The following PRKCD variants were observed in gnomAD, a reference collection of about 807,000 sequenced individuals.
PRKCD encodes protein kinase C delta, also known as protein kinase C delta type.
Under a neutral mutation model 82.2 loss-of-function variants are expected in PRKCD, and 20 were observed. The observed-to-expected ratio is 0.24, with a 90% CI of 0.17 to 0.35. PRKCD has a LOEUF of 0.35. Among genes scored for constraint, PRKCD ranks in the 10% least tolerant of loss-of-function variants. The pLI is 1.00. For missense variants in PRKCD, 607 were observed against 899.0 expected, an observed-to-expected ratio of 0.68 and a Z score of 4.15; for synonymous variants, 317 against 337.0, an observed-to-expected ratio of 0.94 and a Z score of 0.65.
rs530686351 is a variant in PRKCD at position 53,176,582 on chromosome 3, C to T, written c.-19-1822C>T. ...GTGCATGTGCACAAAATCGAATGAG[C>T]GCTCCCTCAACCAAGGCTATGGAGC... is the stretch of plus-strand genomic sequence containing the variant. On this transcript the variant is annotated intron_variant, in intron 2 of 18. Transcript: ENST00000330452. Among the ~76,000 whole-genome samples the T allele has an allele frequency of 7.2e-5, 11 of 152,342 alleles. No individual in the cohort carries two copies. In the South Asian group the frequency reaches 1.0e-3, roughly 14 times the overall value.
chr3:53,172,184 C>A (rs1401455713), intron 2 of PRKCD, among the ~76,000 whole-genome samples: 2 of 152,042 alleles, frequency 1.3e-5, no homozygotes, highest in African/African-American at 4.8e-5. Context: ...GGTGGAGGAA[C>A]CCTAAAGGGT....
chr3:53,191,632 ATGG>A, intron 18 of PRKCD, among the ~76,000 whole-genome samples: 1 of 152,318 alleles, frequency 6.6e-6, no homozygotes, highest in East Asian at 1.9e-4. Context: ...TTCAGGCTTG[ATGG>A]TCTCAAAGCA....
At chr3:53,163,280 G>A (rs1702734780) in intron 1 of PRKCD, among the ~76,000 whole-genome samples, 1 of 151,942 alleles carries the variant, frequency 6.6e-6, no homozygotes, top group South Asian at 2.1e-4. Flanking sequence ...TGATTGTGGG[G>A]AACCGAGAGT....
At chr3:53,182,812 T>A (rs1053926696) in intron 7 of PRKCD, among the ~76,000 whole-genome samples, 3 of 152,210 alleles carry the variant, frequency 2.0e-5, no homozygotes, top group Admixed American at 6.5e-5. Context: ...TTGGAAGAAC[T>A]GCCCCCGCTT....
At chr3:53,177,358 AC>A (rs782763538) in intron 2 of PRKCD, among the ~76,000 whole-genome samples, 60 of 152,054 alleles carry the variant, frequency 3.9e-4, no homozygotes, top group Admixed American at 6.6e-4. Context: ...GAGGCACTCG[AC>A]CCCAAGGGGT....
At chr3:53,168,843 T>C (rs1297195555) in intron 2 of PRKCD, among the ~76,000 whole-genome samples, 1 of 16,522 alleles carries the variant, frequency 6.1e-5, no homozygotes, top group Non-Finnish European at 1.2e-4. Context: ...GGGAGGGGGG[T>C]GGCGGGGGGC....
At chr3:53,180,615 G>A (rs1389667984) in intron 4 of PRKCD, among the ~76,000 whole-genome samples, 2 of 152,300 alleles carry the variant, frequency 1.3e-5, no homozygotes, top group East Asian at 3.9e-4. Context: ...GTTAACACAG[G>A]GCTGTACTGA....
chr3:53,171,525 C>A (rs1412721384), intron 2 of PRKCD, among the ~76,000 whole-genome samples: 1 of 152,250 alleles, frequency 6.6e-6, no homozygotes, highest in Admixed American at 6.5e-5. Flanking sequence ...GCCTGCGTGG[C>A]GCATCCTACA....
At chr3:53,185,812 G>A in intron 11 of PRKCD, 112 bp downstream of exon 11, 3 of 1,515,438 alleles carry the variant, frequency 2.0e-6, no homozygotes, top group South Asian at 2.2e-5. Flanking sequence ...CACCGGTCCT[G>A]GGGAGCGAGC....
intron 2 of PRKCD, among the ~76,000 whole-genome samples, chr3:53,168,931 G>T (rs996971252): frequency 8.0e-4 from 122 of 152,054 alleles, no homozygotes; most frequent in Non-Finnish European, 1.6e-3. Flanking sequence ...GCTTGGGCAG[G>T]GGGTGACAAA....
At position 53,168,631 on chromosome 3, in the gene PRKCD, G is replaced by A. The variant is rs987243290; in HGVS notation, c.-20+3416G>A. Among the ~76,000 whole-genome samples the A allele has an allele frequency of 9.9e-5, 15 of 152,202 alleles. No individual in the cohort carries two copies. In the South Asian group the frequency reaches 2.9e-3, roughly 30 times the overall value. ...CTGTGAAATGGGCAGATCACGGGGTGTGGTGTCCTGTGAGACATGAACGAT... is the reference window on the plus strand; with the variant it reads ...CTGTGAAATGGGCAGATCACGGGGTATGGTGTCCTGTGAGACATGAACGAT... On this transcript the variant is annotated intron_variant, in intron 2 of 18. Coordinates refer to ENST00000330452, the MANE Select transcript of PRKCD (RefSeq NM_006254.4).
chr3:53,165,494 G>C (rs1403036098), intron 2 of PRKCD, among the ~76,000 whole-genome samples: 1 of 152,248 alleles, frequency 6.6e-6, no homozygotes, highest in African/African-American at 2.4e-5. Context: ...GGGGCAAAAA[G>C]TAGTAACGCT....
chr3:53,185,751 A>G, intron 11 of PRKCD, 51 bp downstream of exon 11: 1 of 1,578,268 alleles, frequency 6.3e-7, no homozygotes, highest in Non-Finnish European at 8.7e-7. Flanking sequence ...CCTGAGGCCA[A>G]AGAAAGGGGA....
At chr3:53,186,370 A>G (rs374577783) in intron 13 of PRKCD, 30 bp downstream of exon 13, 10 of 1,612,102 alleles carry the variant, frequency 6.2e-6, no homozygotes, top group South Asian at 4.4e-5. Context: ...TCACCACCCC[A>G]TGCCACAGCC....
rs377167269 is a variant in PRKCD at position 53,185,922 on chromosome 3, G to A, written c.986-5G>A. On this transcript the variant is annotated splice_polypyrimidine_tract_variant and splice_region_variant and intron_variant, in intron 11 of 18. Transcript: ENST00000330452. ...CGATCTGAGGAGGTGCCATCTCTCG[G>A]GCAGACAACAGTGGGACCTACGGCA... The A allele has an allele frequency of 4.3e-6, 7 of 1,613,954 alleles. No individual in the cohort carries two copies. Among genetic ancestry groups the A allele is most frequent in the Non-Finnish European group, 5.9e-6 (7 of 1,179,960 alleles).
At chr3:53,178,358 C>T (rs915598566) in intron 2 of PRKCD, 46 bp from the exon 3 acceptor site, 70 of 1,362,820 alleles carry the variant, frequency 5.1e-5, no homozygotes, top group Non-Finnish European at 6.7e-5. Flanking sequence ...TGACTGTTCC[C>T]GCTGGTCCCG....
At chr3:53,179,834 A>C (rs1315955245) in intron 4 of PRKCD, 58 bp downstream of exon 4, 6 of 1,531,270 alleles carry the variant, frequency 3.9e-6, no homozygotes, top group Non-Finnish European at 5.3e-6. Context: ...GTGTGTGTGC[A>C]TGCGTGCATG....
At position 53,169,758 on chromosome 3, in the gene PRKCD, G is replaced by T. The variant is rs1702956138; in HGVS notation, c.-20+4543G>T. Among the ~76,000 whole-genome samples, 1 of 152,192 alleles carries T rather than the reference G, an allele frequency of 6.6e-6. No individual in the cohort carries two copies. Among genetic ancestry groups the T allele is most frequent in the South Asian group, 2.1e-4 (1 of 4,834 alleles). On this transcript the variant is annotated intron_variant, in intron 2 of 18. Coordinates refer to ENST00000330452, the MANE Select transcript of PRKCD (RefSeq NM_006254.4). This position sits in a 1 kb window ranked among gnomAD's most constrained non-coding sequence, Gnocchi z 4.7. ...GACTCATGCTGCCTGCTTCAGCCCA[G>T]TTCTGCCCAGAGCCTCAGGCCAGAA...
At chr3:53,186,424 C>T in intron 13 of PRKCD, 84 bp downstream of exon 13, 2 of 1,536,710 alleles carry the variant, frequency 1.3e-6, no homozygotes, top group Non-Finnish European at 1.8e-6. Flanking sequence ...GGCTGTGTCT[C>T]CCCTTCAGGC....
Sources: allele counts gnomAD v4.1 joint callset (sites outside exome capture counted in the v4.1 genomes callset), GRCh38; gene constraint gnomAD v4.1.1; non-coding constraint Gnocchi (gnomAD v3.1); transcripts MANE v1.5; gene names NCBI Gene and HGNC (gene_info 2026-07-23, HGNC 2026-07-21).